FNDC3A: variants seen among roughly 807,000 people sequenced by gnomAD.
The protein encoded by FNDC3A is fibronectin type III domain containing 3A.
A neutral mutation model predicts 148.9 loss-of-function variants in FNDC3A; 32 were observed. That is an observed-to-expected ratio of 0.21 (90% CI 0.16 to 0.29). The LOEUF is 0.29. Among genes scored for constraint, FNDC3A ranks in the 10% least tolerant of loss-of-function variants. The pLI is 1.00. For missense variants in FNDC3A, 1,191 were observed against 1,452.8 expected, an observed-to-expected ratio of 0.82 and a Z score of 2.93; for synonymous variants, 472 against 473.6, an observed-to-expected ratio of 1.00 and a Z score of 0.04.
At chr13:49,147,724 T>A (rs572629801) in intron 8 of FNDC3A, among the ~76,000 whole-genome samples, 113 of 152,338 alleles carry the variant, frequency 7.4e-4, no homozygotes, top group Non-Finnish European at 1.5e-3. Context: ...TATACTGATT[T>A]TTCCCCTATT....
chr13:49,078,736 T>C (rs887980016), intron 3 of FNDC3A, among the ~76,000 whole-genome samples: 14 of 152,242 alleles, frequency 9.2e-5, no homozygotes, highest in African/African-American at 3.4e-4. Context: ...TTCTGTCATA[T>C]GGCAAGCCCC....
intron 4 of FNDC3A, among the ~76,000 whole-genome samples, chr13:49,118,882 C>G (rs1881143740): frequency 6.6e-6 from 1 of 152,256 alleles, no homozygotes; most frequent in African/African-American, 2.4e-5. Flanking sequence ...AAACGCCCGT[C>G]TTCCTGAGAC....
At chr13:48,977,446 G>A (rs1192327081) in intron 1 of FNDC3A, among the ~76,000 whole-genome samples, 1 of 152,158 alleles carries the variant, frequency 6.6e-6, no homozygotes, top group Non-Finnish European at 1.5e-5. Flanking sequence ...GAGTTTTGTG[G>A]TTCTGATCTT....
intron 8 of FNDC3A, among the ~76,000 whole-genome samples, chr13:49,166,037 C>T (rs1002903684): frequency 6.6e-6 from 1 of 152,058 alleles, no homozygotes; most frequent in African/African-American, 2.4e-5. Flanking sequence ...CTCAGGCCCT[C>T]CAGTGGTGTT....
At chr13:49,073,766 G>GTGTATATATTATATATATGTA (rs1555287520) in intron 2 of FNDC3A, among the ~76,000 whole-genome samples, 7 of 127,626 alleles carry the variant, frequency 5.5e-5, no homozygotes, top group Admixed American at 1.5e-4. Context: ...TAATATATAT[G>GTGTATATATTATATATATGTA]TATATAATAT....
intron 10 of FNDC3A, among the ~76,000 whole-genome samples, chr13:49,170,196 A>C (rs931383201): frequency 2.0e-5 from 3 of 152,160 alleles, no homozygotes; most frequent in Admixed American, 2.0e-4. Context: ...TTGGAAAAAG[A>C]TATCATTGTC....
chr13:49,133,396 G>A (rs757086655), intron 5 of FNDC3A, among the ~76,000 whole-genome samples: 2 of 152,038 alleles, frequency 1.3e-5, no homozygotes, highest in African/African-American at 4.8e-5. Context: ...TATTCTGTAG[G>A]GATATGCATT....
chr13:49,114,799 G>A lies in FNDC3A; in HGVS notation c.252+68G>A, dbSNP rs866800811. On this transcript the variant is annotated intron_variant, in intron 4 of 25. Coordinates refer to ENST00000492622, the MANE Select transcript of FNDC3A (RefSeq NM_001079673.2). ...TGATAATGTTATTCTCTTTGACTTT[G>A]ATTTTGATTTAAAAAAACCATTTAA... 11 of 1,102,636 alleles carry A rather than the reference G, an allele frequency of 1.0e-5. 1 individual carries two copies. In the Middle Eastern group the frequency reaches 1.8e-3, roughly 179 times the overall value. 68.3% of individuals were successfully genotyped at this position (1,102,636 alleles called of 1,614,324 possible). A position where few individuals can be genotyped will look rare whatever the true frequency, so the allele number is the denominator to read the frequency against.
At chr13:49,029,698 C>A (rs1873969194) in intron 2 of FNDC3A, among the ~76,000 whole-genome samples, 1 of 152,006 alleles carries the variant, frequency 6.6e-6, no homozygotes. Context: ...GTTGGTGGTG[C>A]AGTGGTGAGC....
rs77858274 is a variant in FNDC3A at position 49,046,635 on chromosome 13, C to G, written c.100-28654C>G. The G allele has an allele frequency of 9.0e-3, 1,433 of 159,518 alleles. 16 individuals carry two copies. The highest frequency in any genetic ancestry group is 0.021 in the Middle Eastern group (7 of 330). 9.9% of individuals were successfully genotyped at this position (159,518 alleles called of 1,614,324 possible). The stretch of plus-strand genomic sequence containing the variant: ...CTTTTAAATTTTTTAGAGCTTAAAT[C>G]TGTTCTAAGGAAGATAACTTTTTTT... On this transcript the variant is annotated intron_variant, in intron 2 of 25. Transcript: ENST00000492622.
intron 2 of FNDC3A, among the ~76,000 whole-genome samples, chr13:49,057,812 G>A (rs1198332007): frequency 6.6e-6 from 1 of 151,992 alleles, no homozygotes; most frequent in Admixed American, 6.6e-5. Context: ...TTTTGTTTTA[G>A]TTAACTAGCA....
intron 2 of FNDC3A, among the ~76,000 whole-genome samples, chr13:49,022,779 T>C (rs907686598): frequency 6.6e-6 from 1 of 152,154 alleles, no homozygotes; most frequent in Non-Finnish European, 1.5e-5. Context: ...AACATTACTC[T>C]CCTTTTTCAA....
In FNDC3A at chr13:49,187,210, A is replaced by G. The variant is rs1885624029; in HGVS notation, c.1825+20A>G. ...CTAACGGTATGAATGGATATTAAAC[A>G]CTGATAGATTTATTCCAGCCAGTCT... is the stretch of plus-strand genomic sequence containing the variant. On this transcript the variant is annotated intron_variant, in intron 16 of 25. Coordinates refer to ENST00000492622, the MANE Select transcript of FNDC3A (RefSeq NM_001079673.2). 1.0e-5 allele frequency: 15 copies of G among 1,491,614 alleles called. No homozygotes were observed. Among genetic ancestry groups the G allele is most frequent in the Non-Finnish European group, 1.4e-5 (15 of 1,072,536 alleles). 92.4% of individuals were successfully genotyped at this position (1,491,614 alleles called of 1,614,324 possible).
intron 2 of FNDC3A, among the ~76,000 whole-genome samples, chr13:49,056,741 A>AT (rs1876276459): frequency 6.6e-6 from 1 of 152,050 alleles, no homozygotes; most frequent in Non-Finnish European, 1.5e-5. Flanking sequence ...ACATTTTCGA[A>AT]TTTCAAGCAG....
chr13:49,178,477 G>T, intron 13 of FNDC3A, 91 bp from the exon 14 acceptor site: 1 of 778,520 alleles, frequency 1.3e-6, no homozygotes, highest in East Asian at 2.6e-5. Context: ...AGTAGAAGAT[G>T]AAGAGAAACC....
intron 4 of FNDC3A, among the ~76,000 whole-genome samples, chr13:49,121,045 C>A (rs754911438): frequency 3.9e-5 from 6 of 152,152 alleles, no homozygotes; most frequent in Non-Finnish European, 8.8e-5. Flanking sequence ...AATATACATT[C>A]TTCTCAGCAC....
intron 4 of FNDC3A, among the ~76,000 whole-genome samples, chr13:49,119,630 T>G (rs1881200946): frequency 6.6e-6 from 1 of 151,926 alleles, no homozygotes; most frequent in Non-Finnish European, 1.5e-5. Context: ...ATGACCAGTT[T>G]AGAGAAGAAC....
At chr13:49,130,472 C>T (rs950373228) in intron 4 of FNDC3A, among the ~76,000 whole-genome samples, 1 of 151,970 alleles carries the variant, frequency 6.6e-6, no homozygotes, top group African/African-American at 2.4e-5. Flanking sequence ...TCCCCTACTC[C>T]TAGTCATAAT....
intron 2 of FNDC3A, among the ~76,000 whole-genome samples, chr13:49,061,396 C>CCCTTCCCTTCCCTTCCCTTCCCTT (rs1876701766): frequency 7.6e-5 from 1 of 13,162 alleles, no homozygotes; most frequent in African/African-American, 4.8e-4. Context: ...TCCCTTCCCT[C>CCCTTCCCTTCCCTTCCCTTCCCTT]CCCTTCCCTC....
Sources: allele counts gnomAD v4.1 joint callset (sites outside exome capture counted in the v4.1 genomes callset), GRCh38; gene constraint gnomAD v4.1.1; transcripts MANE v1.5; gene names NCBI Gene and HGNC (gene_info 2026-07-23, HGNC 2026-07-21).